The following DNAH6 variants were observed in gnomAD, a reference collection of about 807,000 sequenced individuals.
DNAH6 encodes the protein axonemal beta dynein heavy chain 6.
Under a neutral mutation model 491.4 loss-of-function variants are expected in DNAH6, and 340 were observed. The ratio of observed to expected loss-of-function variants is 0.69; its 90% CI spans 0.63 to 0.76. The LOEUF (loss-of-function observed/expected upper bound fraction) is 0.76. Among genes scored for constraint, DNAH6 ranks in the 30% least tolerant of loss-of-function variants. The pLI is 0.00. For synonymous variants in DNAH6, 1,603 were observed against 1,686.1 expected, an observed-to-expected ratio of 0.95 and a Z score of 1.21; for missense variants, 4,443 against 4,972.2, an observed-to-expected ratio of 0.89 and a Z score of 3.20.
intron 37 of DNAH6, among the ~76,000 whole-genome samples, chr2:84,664,741 A>G (rs1306605870): frequency 2.6e-5 from 4 of 152,254 alleles, no homozygotes; most frequent in Non-Finnish European, 4.4e-5. Context: ...CTCTGCACCA[A>G]GCAGACCTAA....
chr2:84,691,964 A>AGAG (rs1483601055), intron 45 of DNAH6, among the ~76,000 whole-genome samples: 1 of 152,244 alleles, frequency 6.6e-6, no homozygotes, highest in African/African-American at 2.4e-5. Context: ...GAGGAGCAGG[A>AGAG]GAGGGTGTAA....
At chr2:84,482,696 A>T in the DNAH6 span, among the ~76,000 whole-genome samples, 2 of 152,218 alleles carry the variant, frequency 1.3e-5, no homozygotes, top group Non-Finnish European at 2.9e-5. Flanking sequence ...CGTGGTTGTG[A>T]CTTATCAGGG....
At position 84,557,928 on chromosome 2, in the gene DNAH6, A is replaced by T; in HGVS notation, c.1796A>T (p.Gln599Leu). The change falls in exon 11 of 77, where the codon CAA becomes CTA. Residue 599 changes from glutamine to leucine, a missense_variant. Gln to Leu is a moderately radical substitution (Grantham distance 113). This residue lies in a region of DNAH6 where 2,977 missense variants were observed against 3,296.6 expected (regional missense o/e 0.90). Coordinates refer to ENST00000389394, the MANE Select transcript of DNAH6 (RefSeq NM_001370.2). ...AAGAATTTTCACACAATTATTTCTC[A>T]AATAAAGGTATGTTTACTCTGACTA... ...DDKNFHTIISQIKETIQAAFE... is the reference protein window; with the variant it reads ...DDKNFHTIISLIKETIQAAFE... 6.2e-7 allele frequency: 1 copy of T among 1,601,972 alleles called. No individual in the cohort carries two copies. The highest frequency in any genetic ancestry group is 2.2e-5 in the East Asian group (1 of 44,672).
the DNAH6 span, among the ~76,000 whole-genome samples, chr2:84,489,055 T>C: frequency 6.6e-6 from 1 of 152,186 alleles, no homozygotes; most frequent in Non-Finnish European, 1.5e-5. Flanking sequence ...AGGTCTGAAA[T>C]CATTCAGGGA....
intron 63 of DNAH6, among the ~76,000 whole-genome samples, chr2:84,759,504 G>A (rs749351278): frequency 1.1e-4 from 17 of 151,628 alleles, no homozygotes; most frequent in Non-Finnish European, 1.9e-4. Flanking sequence ...GCAAGACTCT[G>A]TCTCAAAAAG....
the DNAH6 span, among the ~76,000 whole-genome samples, chr2:84,480,993 G>A: frequency 6.6e-6 from 1 of 151,906 alleles, no homozygotes; most frequent in South Asian, 2.1e-4. Flanking sequence ...AAGTCGTGAG[G>A]GCTTATCTCA....
chr2:84,718,826 T>C (rs1220829745), intron 59 of DNAH6, among the ~76,000 whole-genome samples: 1 of 152,230 alleles, frequency 6.6e-6, no homozygotes, highest in Non-Finnish European at 1.5e-5. Flanking sequence ...GGCTTATCTC[T>C]TTTGTTGTGT....
Position 84,781,779 on chromosome 2 carries a change from T to G in DNAH6, c.10864+126T>G, listed in dbSNP as rs1362091300. The stretch of plus-strand genomic sequence containing the variant: ...TTTCCATATATGAAAGAGGAGAAAT[T>G]TGAGGCCTAGACAGATTTAGCTAAT... On this transcript the variant is annotated intron_variant, in intron 65 of 76. Transcript: ENST00000389394. The G allele has an allele frequency of 4.2e-6, 5 of 1,203,890 alleles. No individual in the cohort carries two copies. The Admixed American group carries it at 9.0e-5, about 22-fold the overall frequency. 74.6% of individuals were successfully genotyped at this position (1,203,890 alleles called of 1,614,324 possible).
At chr2:84,788,755 T>C (rs893932284) in intron 68 of DNAH6, among the ~76,000 whole-genome samples, 18 of 152,160 alleles carry the variant, frequency 1.2e-4, no homozygotes, top group African/African-American at 4.1e-4. Flanking sequence ...GCACCTAGTC[T>C]TGGTCAGAAG....
At chr2:84,613,767 A>G (rs181591198) in intron 22 of DNAH6, among the ~76,000 whole-genome samples, 34 of 152,166 alleles carry the variant, frequency 2.2e-4, no homozygotes, top group Admixed American at 9.2e-4. Flanking sequence ...TACACCAGCT[A>G]AATATGTTTC....
upstream of DNAH6, among the ~76,000 whole-genome samples, chr2:84,515,302 C>T (rs374114180): frequency 3.0e-4 from 46 of 152,098 alleles, 1 homozygote; most frequent in African/African-American, 1.1e-3. Flanking sequence ...TTGCTGTTTC[C>T]AGTTTCTCAT....
intron 58 of DNAH6, among the ~76,000 whole-genome samples, chr2:84,717,930 T>A (rs966518974): frequency 6.6e-6 from 1 of 152,164 alleles, no homozygotes; most frequent in African/African-American, 2.4e-5. Flanking sequence ...ATTAAGCAGG[T>A]CTTCCTAAGA....
intron 52 of DNAH6, 147 bp from the exon 53 acceptor site, chr2:84,706,749 A>G (rs1043017128): frequency 2.5e-5 from 21 of 842,004 alleles, no homozygotes; most frequent in African/African-American, 1.8e-4. Flanking sequence ...TCTAATTTAT[A>G]TTTGTTTTAA....
the DNAH6 span, among the ~76,000 whole-genome samples, chr2:84,463,257 G>A: frequency 6.6e-6 from 1 of 152,202 alleles, no homozygotes; most frequent in Non-Finnish European, 1.5e-5. Flanking sequence ...AAGAGGGGGA[G>A]ACAGACCTCA....
chr2:84,727,963 C>T lies in DNAH6; in HGVS notation c.10206+61C>T, dbSNP rs1430314850. 3 of 1,060,936 alleles carry T rather than the reference C, an allele frequency of 2.8e-6. No homozygotes were observed. In the African/African-American group the frequency reaches 4.7e-5, roughly 17 times the overall value. The allele number at this position is 1,060,936 out of a possible 1,614,324, so 65.7% of individuals were successfully genotyped here. On this transcript the variant is annotated intron_variant, in intron 61 of 76. Transcript: ENST00000389394. Reference sequence around the variant, plus strand: ...TTTGGCTGTGTCCCCACCCAAATCTCATTTTGAATTGTAGCTACCATAATT... The same window carrying T: ...TTTGGCTGTGTCCCCACCCAAATCTTATTTTGAATTGTAGCTACCATAATT...
intron 64 of DNAH6, among the ~76,000 whole-genome samples, chr2:84,768,092 G>A (rs1273511594): frequency 2.0e-5 from 3 of 151,946 alleles, no homozygotes; most frequent in African/African-American, 7.3e-5. Flanking sequence ...AATAAATTAA[G>A]CAGAATAATG....
chr2:84,630,347 T>A (rs779939220), intron 29 of DNAH6, among the ~76,000 whole-genome samples: 8 of 152,040 alleles, frequency 5.3e-5, no homozygotes, highest in Non-Finnish European at 7.4e-5. Flanking sequence ...AAAATACATA[T>A]CTCCTGTTAT....
At chr2:84,502,464 T>C in the DNAH6 span, among the ~76,000 whole-genome samples, 1 of 152,196 alleles carries the variant, frequency 6.6e-6, no homozygotes, top group Non-Finnish European at 1.5e-5. Context: ...GAATAATTCA[T>C]GTGCTGAGGA....
chr2:84,560,443 CTT>C (rs66763177), intron 11 of DNAH6, among the ~76,000 whole-genome samples: 5 of 147,698 alleles, frequency 3.4e-5, no homozygotes, highest in Admixed American at 6.7e-5. Flanking sequence ...AAATAGTTTT[CTT>C]TTTTTTTTCT....
Sources: gnomAD v4.1 joint callset for allele counts (sites outside exome capture counted in the v4.1 genomes callset) on GRCh38, gnomAD v4.1.1 for gene constraint, gnomAD v4.1.1 regional missense constraint, MANE v1.5 for transcripts, NCBI Gene and HGNC (gene_info 2026-07-23, HGNC 2026-07-21) for gene names.